Variants in ZNF407 observed in about 807,000 individuals in gnomAD.
ZNF407 encodes zinc finger protein 407.
ZNF407 carries 17 observed loss-of-function variants against 131.2 expected under a neutral mutation model. The observed-to-expected ratio is 0.13, with a 90% CI of 0.09 to 0.19. The LOEUF (loss-of-function observed/expected upper bound fraction) is 0.19, where lower values mean the gene tolerates loss of function less well. Among genes scored for constraint, ZNF407 ranks in the 10% least tolerant of loss-of-function variants. The probability of loss-of-function intolerance (pLI) is 1.00; values close to 1 mark genes in which losing one functional copy is unlikely to be tolerated. For missense variants in ZNF407, 2,681 were observed against 2,830.6 expected (o/e 0.95, Z 1.20); for synonymous variants, 1,156 against 1,062.0 (o/e 1.09, Z -1.72).
chr18:74,662,416 G>A (rs894089735), intron 3 of ZNF407, among the ~76,000 whole-genome samples: 3 of 152,104 alleles, frequency 2.0e-5, no homozygotes, highest in Non-Finnish European at 4.4e-5. Flanking sequence ...AATGGATGTT[G>A]GAGTGCAAGA....
chr18:74,901,055 C>G (rs920789367), intron 7 of ZNF407, among the ~76,000 whole-genome samples: 1 of 152,072 alleles, frequency 6.6e-6, no homozygotes, highest in African/African-American at 2.4e-5. Flanking sequence ...ACCCTGTAGG[C>G]TGAGATAGGG....
intron 8 of ZNF407, among the ~76,000 whole-genome samples, chr18:74,930,459 C>T (rs2145254756): frequency 6.6e-6 from 1 of 152,242 alleles, no homozygotes; most frequent in South Asian, 2.1e-4. Flanking sequence ...TATTTCTCCC[C>T]AGTCATTTGC....
intron 3 of ZNF407, among the ~76,000 whole-genome samples, chr18:74,684,525 T>C (rs959003642): frequency 2.0e-5 from 3 of 152,232 alleles, no homozygotes; most frequent in Middle Eastern, 3.2e-3. Flanking sequence ...CGTTCAGTTA[T>C]AAGCACAATT....
chr18:74,889,328 C>T (rs1971353870), intron 6 of ZNF407, among the ~76,000 whole-genome samples: 1 of 152,150 alleles, frequency 6.6e-6, no homozygotes, highest in Non-Finnish European at 1.5e-5. Context: ...ATGTATCTAT[C>T]TGTTATATCT....
chr18:75,030,972 C>T (rs1053859557), intron 8 of ZNF407, among the ~76,000 whole-genome samples: 1 of 152,178 alleles, frequency 6.6e-6, no homozygotes, highest in African/African-American at 2.4e-5. Flanking sequence ...TTAATAAATC[C>T]TGTTTATTCA....
intron 4 of ZNF407, among the ~76,000 whole-genome samples, chr18:74,791,762 G>T (rs1224356928): frequency 6.6e-6 from 1 of 151,948 alleles, no homozygotes; most frequent in African/African-American, 2.4e-5. Flanking sequence ...TTTTAAAAAG[G>T]CGTTTATCCT....
intron 3 of ZNF407, among the ~76,000 whole-genome samples, chr18:74,705,927 A>G (rs942305145): frequency 6.6e-6 from 1 of 152,230 alleles, no homozygotes; most frequent in African/African-American, 2.4e-5. Flanking sequence ...TGAATTGTCT[A>G]TGAGCCAGTG....
chr18:74,771,492 G>A (rs535617971), intron 3 of ZNF407, among the ~76,000 whole-genome samples: 153 of 151,904 alleles, frequency 1.0e-3, no homozygotes, highest in African/African-American at 3.4e-3. Flanking sequence ...AACATATTTA[G>A]GATGTTAGAT....
At chr18:74,907,578 G>A (rs544422108) in intron 7 of ZNF407, among the ~76,000 whole-genome samples, 6 of 152,156 alleles carry the variant, frequency 3.9e-5, no homozygotes, top group Non-Finnish European at 8.8e-5. Flanking sequence ...CCATTCAGCC[G>A]GGATGTGGTT....
chr18:74,942,632 A>G (rs1443284414), intron 8 of ZNF407, among the ~76,000 whole-genome samples: 1 of 152,174 alleles, frequency 6.6e-6, no homozygotes, highest in East Asian at 1.9e-4. Context: ...GGCCTCCAGT[A>G]TGTTTTTATA....
intron 8 of ZNF407, among the ~76,000 whole-genome samples, chr18:74,967,727 A>G (rs1194068255): frequency 6.6e-6 from 1 of 152,258 alleles, no homozygotes; most frequent in Non-Finnish European, 1.5e-5. Context: ...AGTGAAAGTC[A>G]TGTTCAAATA....
rs75484576 is a variant in ZNF407, at chr18:74,939,042, C to T, written c.5428+18350C>T. 6.6e-3 allele frequency among the ~76,000 whole-genome samples: 1,011 copies of T among 152,236 alleles called. 16 individuals are homozygous for T. The highest frequency in any genetic ancestry group is 0.022 in the African/African-American group (919 of 41,520). Reference sequence around the variant, plus strand: ...GTAAGACATAATCTAAGGTGTGAGGCGACCTTTTTGATTCAGAAAGAGAGG... The same window carrying T: ...GTAAGACATAATCTAAGGTGTGAGGTGACCTTTTTGATTCAGAAAGAGAGG... On this transcript the variant is annotated intron_variant, in intron 8 of 8. Transcript: ENST00000299687.
intron 4 of ZNF407, among the ~76,000 whole-genome samples, chr18:74,851,530 AG>A (rs1186572398): frequency 6.6e-6 from 1 of 152,220 alleles, no homozygotes; most frequent in Non-Finnish European, 1.5e-5. Flanking sequence ...CCCAGGCACA[AG>A]GGCGCGAGGC....
chr18:74,890,080 AT>A (rs1568256949), intron 7 of ZNF407, 42 bp downstream of exon 7: 1 of 1,447,030 alleles, frequency 6.9e-7, no homozygotes. Flanking sequence ...GTGGGCCGCC[AT>A]GATGGATTAA....
chr18:74,801,292 A>C (rs1970015191), intron 4 of ZNF407, among the ~76,000 whole-genome samples: 1 of 152,124 alleles, frequency 6.6e-6, no homozygotes, highest in Admixed American at 6.5e-5. Context: ...TAATTTTATA[A>C]ATCAGTATAT....
intron 8 of ZNF407, among the ~76,000 whole-genome samples, chr18:74,966,349 G>A (rs911864234): frequency 6.6e-6 from 1 of 152,188 alleles, no homozygotes; most frequent in Non-Finnish European, 1.5e-5. Flanking sequence ...TATATGGTGA[G>A]AAATAGGGGT....
intron 1 of ZNF407, 49 bp from the exon 2 acceptor site, chr18:74,630,918 C>A: frequency 7.4e-7 from 1 of 1,351,484 alleles, no homozygotes; most frequent in Non-Finnish European, 9.8e-7. Context: ...TAGACTAATA[C>A]GTGTGTCTTT....
chr18:74,922,577 T>C (rs1005416804), intron 8 of ZNF407, among the ~76,000 whole-genome samples: 4 of 152,198 alleles, frequency 2.6e-5, no homozygotes, highest in African/African-American at 9.7e-5. Context: ...AAGTGAGGTA[T>C]TTTATTTTTT....
chr18:74,895,556 CAA>C (rs200497200), intron 7 of ZNF407, among the ~76,000 whole-genome samples: 1 of 151,534 alleles, frequency 6.6e-6, no homozygotes, highest in Non-Finnish European at 1.5e-5. Context: ...GATGCAATGA[CAA>C]AAAAAATTGT....
Sources: allele counts gnomAD v4.1 joint callset (sites outside exome capture counted in the v4.1 genomes callset), GRCh38; gene constraint gnomAD v4.1.1; transcripts MANE v1.5; gene names NCBI Gene and HGNC (gene_info 2026-07-23, HGNC 2026-07-21).